Variants in NALF1 observed in about 807,000 individuals in gnomAD.
NALF1 encodes the protein family with sequence similarity 155 member A.
In NALF1, 3 loss-of-function variants were observed where a neutral mutation model predicts 48.4. The ratio of observed to expected loss-of-function variants is 0.06; its 90% CI spans 0.03 to 0.16. NALF1 has a LOEUF of 0.16. NALF1 is among the 10% of genes least tolerant of loss of function. The pLI is 1.00. For synonymous variants in NALF1, 262 were observed against 245.7 expected (o/e 1.07, Z -0.62); for missense variants, 526 against 571.5 (o/e 0.92, Z 0.81).
At chr13:107,464,424 T>A (rs1327946385) in intron 1 of NALF1, among the ~76,000 whole-genome samples, 3 of 152,196 alleles carry the variant, frequency 2.0e-5, no homozygotes, top group Non-Finnish European at 4.4e-5. Flanking sequence ...GAAGAATGTA[T>A]TAGACTGTGA....
At chr13:107,673,578 G>A (rs189559509) in intron 1 of NALF1, among the ~76,000 whole-genome samples, 9 of 152,246 alleles carry the variant, frequency 5.9e-5, no homozygotes, top group Admixed American at 1.3e-4. Context: ...TAAAGGATGC[G>A]CAACTGCAGC....
At chr13:107,444,687 C>A (rs1390908385) in intron 1 of NALF1, among the ~76,000 whole-genome samples, 1 of 152,120 alleles carries the variant, frequency 6.6e-6, no homozygotes, top group Non-Finnish European at 1.5e-5. Flanking sequence ...AAGAAGTTTT[C>A]TTTCCTTAAT....
intron 1 of NALF1, among the ~76,000 whole-genome samples, chr13:107,732,016 C>A (rs1046165522): frequency 6.6e-6 from 1 of 152,060 alleles, no homozygotes; most frequent in Non-Finnish European, 1.5e-5. Flanking sequence ...ATTGTTGGGG[C>A]CCTGCTGTTC....
intron 1 of NALF1, among the ~76,000 whole-genome samples, chr13:107,676,812 G>A (rs557577564): frequency 6.6e-6 from 1 of 151,998 alleles, no homozygotes; most frequent in Non-Finnish European, 1.5e-5. Flanking sequence ...TATTTTTGTT[G>A]TAAGCCTACA....
Position 107,574,759 on chromosome 13 carries a change from C to G in NALF1, c.915+290923G>C, listed in dbSNP as rs150411416. 1.2e-4 allele frequency among the ~76,000 whole-genome samples: 18 copies of G among 152,224 alleles called. No homozygotes were observed. In the South Asian group the frequency reaches 2.9e-3, roughly 25 times the overall value. On this transcript the variant is annotated intron_variant, in intron 1 of 2. Transcript: ENST00000375915. ...CACAGCTTGAAATCCCTAAAGGACACGCTGATTTCTCAATCTGCATATCAA... is the reference window on the plus strand; with the variant it reads ...CACAGCTTGAAATCCCTAAAGGACAGGCTGATTTCTCAATCTGCATATCAA...
At chr13:107,340,466 C>CTTTAT (rs201495618) in intron 1 of NALF1, among the ~76,000 whole-genome samples, 1 of 101,700 alleles carries the variant, frequency 9.8e-6, no homozygotes, top group Non-Finnish European at 2.4e-5. Context: ...TTCTTTCTTT[C>CTTTAT]TTCTCTCTTT....
At chr13:107,220,649 C>A (rs1486359810) in intron 1 of NALF1, among the ~76,000 whole-genome samples, 1 of 152,142 alleles carries the variant, frequency 6.6e-6, no homozygotes, top group Non-Finnish European at 1.5e-5. Context: ...CATCATAAGA[C>A]ATTTTCCCTG....
At chr13:107,191,551 C>T (rs955422342) in intron 2 of NALF1, among the ~76,000 whole-genome samples, 26 of 152,014 alleles carry the variant, frequency 1.7e-4, no homozygotes, top group Admixed American at 3.3e-4. Flanking sequence ...TTCCTAGAGG[C>T]GATGAAGAAG....
chr13:107,689,965 AT>A (rs1881529584), intron 1 of NALF1, among the ~76,000 whole-genome samples: 1 of 152,218 alleles, frequency 6.6e-6, no homozygotes, highest in Non-Finnish European at 1.5e-5. Context: ...TAACTTTAGC[AT>A]TTAAGTAAGT....
chr13:107,449,137 G>A (rs561517310), intron 1 of NALF1, among the ~76,000 whole-genome samples: 19 of 152,300 alleles, frequency 1.2e-4, no homozygotes, highest in South Asian at 6.2e-4. Flanking sequence ...CCAGCTACGC[G>A]GAAGGATGAG....
Position 107,381,557 on chromosome 13 carries a change from G to C in NALF1, c.916-170802C>G, listed in dbSNP as rs548252730. On this transcript the variant is annotated intron_variant, in intron 1 of 2. Coordinates refer to ENST00000375915, the MANE Select transcript of NALF1 (RefSeq NM_001080396.3). The stretch of plus-strand genomic sequence containing the variant: ...TCTGCCACCTGCATCCCTACGCACC[G>C]CCCCACCACCCCACCCACTCCCACT... 2.0e-5 allele frequency among the ~76,000 whole-genome samples: 3 copies of C among 151,574 alleles called. No individual in the cohort carries two copies. The South Asian group carries it at 6.2e-4, about 32-fold the overall frequency.
chr13:107,528,484 T>C (rs1876517220), intron 1 of NALF1, among the ~76,000 whole-genome samples: 1 of 152,152 alleles, frequency 6.6e-6, no homozygotes, highest in Non-Finnish European at 1.5e-5. Flanking sequence ...TTTTGTTTCT[T>C]TTTTACATTA....
At chr13:107,846,783 T>C (rs150928433) in intron 1 of NALF1, among the ~76,000 whole-genome samples, 71 of 152,304 alleles carry the variant, frequency 4.7e-4, no homozygotes, top group African/African-American at 1.5e-3. Context: ...CAAATCCCAT[T>C]GCTGAAACCT....
At chr13:107,255,060 C>A (rs141818677) in intron 1 of NALF1, among the ~76,000 whole-genome samples, 6 of 152,166 alleles carry the variant, frequency 3.9e-5, no homozygotes, top group Admixed American at 6.5e-5. Flanking sequence ...ATACCCCTTA[C>A]AATTTCCTAC....
chr13:107,843,381 C>G (rs1880091479), intron 1 of NALF1, among the ~76,000 whole-genome samples: 1 of 152,080 alleles, frequency 6.6e-6, no homozygotes, highest in Admixed American at 6.6e-5. Context: ...AGTTCACGCT[C>G]CACTTAGAGA....
At chr13:107,176,276 A>ATCAT (rs1447107333) in intron 2 of NALF1, among the ~76,000 whole-genome samples, 58 of 149,774 alleles carry the variant, frequency 3.9e-4, no homozygotes, top group African/African-American at 1.2e-3. Flanking sequence ...TCTCTAGTGA[A>ATCAT]TCATTACCTG....
At chr13:107,696,606 T>C (rs1311385734) in intron 1 of NALF1, among the ~76,000 whole-genome samples, 2 of 151,976 alleles carry the variant, frequency 1.3e-5, no homozygotes, top group East Asian at 3.9e-4. Context: ...CTTATATACA[T>C]TTGTGTGTAT....
At chr13:107,468,621 G>T (rs1885046962) in intron 1 of NALF1, among the ~76,000 whole-genome samples, 1 of 152,146 alleles carries the variant, frequency 6.6e-6, no homozygotes, top group Non-Finnish European at 1.5e-5. Flanking sequence ...TAATTTTAAA[G>T]CTCCGGATAT....
intron 1 of NALF1, among the ~76,000 whole-genome samples, chr13:107,298,351 C>CAAAAAAAAAAAAAAAAAAAAAAA (rs1192707023): frequency 6.0e-5 from 1 of 16,626 alleles, no homozygotes; most frequent in Non-Finnish European, 1.1e-4. Context: ...GACTCCATCT[C>CAAAAAAAAAAAAAAAAAAAAAAA]AAAAAAAAAA....
Sources: gnomAD v4.1 joint callset for allele counts (sites outside exome capture counted in the v4.1 genomes callset) on GRCh38, gnomAD v4.1.1 for gene constraint, MANE v1.5 for transcripts, NCBI Gene and HGNC (gene_info 2026-07-23, HGNC 2026-07-21) for gene names.